Variants in PDCD6IP observed in about 807,000 individuals in gnomAD.
PDCD6IP encodes programmed cell death 6 interacting protein.
PDCD6IP carries 43 observed loss-of-function variants against 103.7 expected under a neutral mutation model. The ratio of observed to expected loss-of-function variants is 0.41; its 90% CI spans 0.32 to 0.53. The LOEUF is 0.53. PDCD6IP is among the 20% of genes least tolerant of loss of function. PDCD6IP has a pLI of 0.16. For missense variants in PDCD6IP, 871 were observed against 1,036.7 expected (o/e 0.84, Z 2.20); for synonymous variants, 354 against 378.7 (o/e 0.93, Z 0.76).
At chr3:33,853,575 A>G (rs1045196944) in intron 13 of PDCD6IP, among the ~76,000 whole-genome samples, 2 of 152,188 alleles carry the variant, frequency 1.3e-5, no homozygotes, top group Non-Finnish European at 2.9e-5. Context: ...GTATCTATAT[A>G]TGATATAAAA....
chr3:33,845,653 A>G (rs1013622647), intron 12 of PDCD6IP, 65 bp downstream of exon 12: 5 of 1,240,400 alleles, frequency 4.0e-6, no homozygotes, highest in Admixed American at 2.4e-5. Context: ...GCCATTTTAT[A>G]TAATGAACTG....
At chr3:33,818,037 T>A (rs1468660362) in intron 3 of PDCD6IP, among the ~76,000 whole-genome samples, 1 of 151,414 alleles carries the variant, frequency 6.6e-6, no homozygotes, top group African/African-American at 2.4e-5. Flanking sequence ...TAGACTGAGA[T>A]ATGTATCCAA....
At position 33,822,049 on chromosome 3, in the gene PDCD6IP, T is replaced by A. The variant is rs1459975668; in HGVS notation, c.429T>A (p.Asp143Glu). The change falls in exon 4 of 18, where the codon GAT becomes GAA. Residue 143 changes from aspartate (D) to glutamate (E), a missense_variant. Transcript: ENST00000307296. The stretch of plus-strand genomic sequence containing the variant: ...CAGCAGAACAGAACCTGGATAATGA[T>A]GAAGGATTGAAAATCGCTGCTAAAC... ...QIAAEQNLDNDEGLKIAAKHY... is the reference protein window; with the variant it reads ...QIAAEQNLDNEEGLKIAAKHY... The A allele has an allele frequency of 3.1e-6, 5 of 1,614,022 alleles. No homozygotes were observed. Among genetic ancestry groups the A allele is most frequent in the Admixed American group, 3.3e-5 (2 of 60,006 alleles).
chr3:33,835,155 G>A (rs560506507), intron 7 of PDCD6IP: 15 of 451,156 alleles, frequency 3.3e-5, no homozygotes, highest in South Asian at 9.4e-5. Context: ...ATTTGTATGC[G>A]GCTTATGTTC....
chr3:33,864,091 G>A lies in PDCD6IP; in HGVS notation c.2206G>A (p.Ala736Thr), dbSNP rs1233152342. The A allele has an allele frequency of 4.3e-6, 7 of 1,612,520 alleles. No homozygotes were observed. Among genetic ancestry groups the A allele is most frequent in the Non-Finnish European group, 5.9e-6 (7 of 1,178,630 alleles). ...TCAGTCCTCACCAGCAGGAGGACATGCACCAACTCCTCCAACTCCAGCGCC... is the reference window on the plus strand; with the variant it reads ...TCAGTCCTCACCAGCAGGAGGACATACACCAACTCCTCCAACTCCAGCGCC... Reference protein sequence around the residue: ...AYQSSPAGGHAPTPPTPAPRT... With the variant: ...AYQSSPAGGHTPTPPTPAPRT... The change falls in exon 16 of 18, where the codon GCA becomes ACA. Residue 736 changes from alanine (A) to threonine (T), a missense_variant. Physicochemically the swap from Ala to Thr is moderately conservative, Grantham distance 58 (BLOSUM62 0). This residue lies in a region of PDCD6IP where 202 missense variants were observed against 205.2 expected (regional missense o/e 0.98). Transcript: ENST00000307296.
chr3:33,827,123 CAT>C, intron 6 of PDCD6IP: 1 of 985,350 alleles, frequency 1.0e-6, no homozygotes, highest in Non-Finnish European at 1.2e-6. Context: ...TCTTAAACCA[CAT>C]ATCACAGGAA....
chr3:33,824,792 G>A (rs1365709873), intron 4 of PDCD6IP, among the ~76,000 whole-genome samples: 1 of 152,124 alleles, frequency 6.6e-6, no homozygotes, highest in African/African-American at 2.4e-5. Context: ...CCTAACTACG[G>A]CATGTTTAAT....
chr3:33,845,409 T>G lies in PDCD6IP; in HGVS notation c.1472-10T>G. On this transcript the variant is annotated splice_polypyrimidine_tract_variant and intron_variant, in intron 11 of 17. Transcript: ENST00000307296. ...ACTTCTGTGCTCTGCAAACTTTTATTTTCTCCCAGAGGGAACCAACTTCAG... is the reference window on the plus strand; with the variant it reads ...ACTTCTGTGCTCTGCAAACTTTTATGTTCTCCCAGAGGGAACCAACTTCAG... The G allele has an allele frequency of 6.2e-7, 1 of 1,606,746 alleles. No individual in the cohort carries two copies. The highest frequency in any genetic ancestry group is 8.5e-7 in the Non-Finnish European group (1 of 1,175,430).
intron 7 of PDCD6IP, among the ~76,000 whole-genome samples, chr3:33,833,847 G>C (rs1006759818): frequency 6.6e-6 from 1 of 152,096 alleles, no homozygotes; most frequent in Non-Finnish European, 1.5e-5. Context: ...GGGTTCCTGT[G>C]CAGGGAAATG....
chr3:33,811,658 C>T (rs573900519), intron 1 of PDCD6IP, among the ~76,000 whole-genome samples: 7 of 152,082 alleles, frequency 4.6e-5, no homozygotes, highest in Non-Finnish European at 7.3e-5. Flanking sequence ...TGTGGCAGTG[C>T]TGGAGACAGA....
chr3:33,816,610 A>G (rs1696860382), intron 3 of PDCD6IP, among the ~76,000 whole-genome samples: 1 of 151,998 alleles, frequency 6.6e-6, no homozygotes, highest in Non-Finnish European at 1.5e-5. Flanking sequence ...GCAGAACTCA[A>G]GTCATGTAAG....
chr3:33,847,422 A>G (rs1457153568), intron 12 of PDCD6IP, among the ~76,000 whole-genome samples: 1 of 152,244 alleles, frequency 6.6e-6, no homozygotes, highest in Non-Finnish European at 1.5e-5. Context: ...GGGTAACCAC[A>G]AAAATTTCAG....
At chr3:33,820,569 CT>C (rs1049134892) in intron 3 of PDCD6IP, among the ~76,000 whole-genome samples, 7 of 152,222 alleles carry the variant, frequency 4.6e-5, no homozygotes, top group African/African-American at 1.7e-4. Flanking sequence ...CCCCCTCCCC[CT>C]ACCACCATCC....
intron 16 of PDCD6IP, 109 bp from the exon 17 acceptor site, chr3:33,865,134 A>C (rs1446060028): frequency 1.7e-5 from 11 of 660,016 alleles, no homozygotes; most frequent in Non-Finnish European, 2.6e-5. Context: ...AATTAAAAAT[A>C]TATTTGGTTG....
At chr3:33,805,280 G>A (rs987360539) in intron 1 of PDCD6IP, among the ~76,000 whole-genome samples, 38 of 149,312 alleles carry the variant, frequency 2.5e-4, no homozygotes, top group African/African-American at 8.9e-4. Flanking sequence ...GCTTGAACCC[G>A]GAAGGTGGAG....
chr3:33,807,847 A>T (rs1478695755), intron 1 of PDCD6IP, among the ~76,000 whole-genome samples: 1 of 152,234 alleles, frequency 6.6e-6, no homozygotes, highest in African/African-American at 2.4e-5. Context: ...TTCCCAGCAG[A>T]GTCTAGAATA....
intron 5 of PDCD6IP, 91 bp downstream of exon 5, chr3:33,825,431 C>G (rs1225554180): frequency 8.8e-6 from 10 of 1,136,150 alleles, no homozygotes; most frequent in Middle Eastern, 2.4e-4. Flanking sequence ...TGTTCAATGT[C>G]GAGCTGTCCT....
intron 6 of PDCD6IP, chr3:33,826,893 T>G (rs1266829337): frequency 9.0e-7 from 1 of 1,107,508 alleles, no homozygotes; most frequent in African/African-American, 1.7e-5. Context: ...TCTGAATCAT[T>G]GGTGATTTGG....
intron 1 of PDCD6IP, among the ~76,000 whole-genome samples, chr3:33,805,736 A>T (rs867703795): frequency 3.6e-4 from 51 of 142,468 alleles, no homozygotes; most frequent in African/African-American, 8.5e-4. Flanking sequence ...TTTTTTTTTT[A>T]AACTAGAATT....
Sources: allele counts gnomAD v4.1 joint callset (sites outside exome capture counted in the v4.1 genomes callset), GRCh38; gene constraint gnomAD v4.1.1; regional missense constraint gnomAD v4.1.1; transcripts MANE v1.5; gene names NCBI Gene and HGNC (gene_info 2026-07-23, HGNC 2026-07-21).